LCMT2: variants seen among roughly 807,000 people sequenced by gnomAD.
LCMT2 encodes tRNA wybutosine-synthesizing protein 4.
In LCMT2, 34 loss-of-function variants were observed where a neutral mutation model predicts 42.0. That is an observed-to-expected ratio of 0.81 (90% CI 0.62 to 1.08). The LOEUF (loss-of-function observed/expected upper bound fraction) is 1.08. Ranked by LOEUF, LCMT2 falls within the 50% of genes least tolerant of loss-of-function variation. The pLI is 0.00. For missense variants in LCMT2, 1,091 were observed against 889.4 expected, an observed-to-expected ratio of 1.23 and a Z score of -2.88; for synonymous variants, 445 against 369.5, an observed-to-expected ratio of 1.20 and a Z score of -2.34.
Position 43,327,363 on chromosome 15 carries a change from G to A in LCMT2, c.*1066C>T, listed in dbSNP as rs1032151414. ...TAATTCGTTTAAATAGTCACATGTTGTCAATAGCTACCACATTGGACAGTA... is the reference window on the plus strand; with the variant it reads ...TAATTCGTTTAAATAGTCACATGTTATCAATAGCTACCACATTGGACAGTA... On this transcript the variant is annotated 3_prime_UTR_variant, in exon 1 of 1. Coordinates refer to ENST00000305641, the MANE Select transcript of LCMT2 (RefSeq NM_014793.5). The A allele has an allele frequency of 4.6e-5, 7 of 152,326 alleles. No homozygotes were observed. The highest frequency in any genetic ancestry group is 3.3e-4 in the Admixed American group (5 of 15,296). The allele number at this position is 152,326 out of a possible 1,614,324, so 9.4% of individuals were successfully genotyped here.
Position 43,329,881 on chromosome 15 carries a change from G to A in LCMT2, c.609C>T (p.Ile203=). ...YLEPESAAAL[I]AWAAQRFPNA... is the part of the protein sequence containing the mutation. ...TAGGAAAACGCTGGGCTGCCCAGGCGATGAGGGCCGCGGCACTCTCCGGCT... is the reference window on the plus strand; with the variant it reads ...TAGGAAAACGCTGGGCTGCCCAGGCAATGAGGGCCGCGGCACTCTCCGGCT... The change falls in exon 1 of 1, where the codon ATC becomes ATT. Residue 203 remains isoleucine, a synonymous_variant. Transcript: ENST00000305641. 3 of 1,613,396 alleles carry A rather than the reference G, an allele frequency of 1.9e-6. No homozygotes were observed. Among genetic ancestry groups the A allele is most frequent in the South Asian group, 1.1e-5 (1 of 91,076 alleles).
chr15:43,330,010 C>T lies in LCMT2; in HGVS notation c.480G>A (p.Leu160=), dbSNP rs765104154. The T allele has an allele frequency of 2.1e-5, 34 of 1,612,634 alleles. No homozygotes were observed. The Admixed American group carries it at 4.7e-4, about 22-fold the overall frequency. ...CCACTCGCTGGAGCTGCCGCAAGTC[C>T]AGACCCAGGATGCAGTAGTCTGCGC... The part of the protein sequence containing the change: ...FESADYCILG[L]DLRQLQRVEE... The change falls in exon 1 of 1, where the codon CTG becomes CTA. Residue 160 remains leucine (L), a synonymous_variant. Transcript: ENST00000305641.
Position 43,328,851 on chromosome 15 carries a change from G to A in LCMT2, c.1639C>T (p.Leu547Phe), listed in dbSNP as rs371881224. The A allele has an allele frequency of 1.7e-5, 27 of 1,613,602 alleles. No individual in the cohort carries two copies. Among genetic ancestry groups the A allele is most frequent in the Non-Finnish European group, 2.2e-5 (26 of 1,180,014 alleles). The change falls in exon 1 of 1, where the codon CTT becomes TTT. Residue 547 changes from leucine (L) to phenylalanine (F), a missense_variant. By Grantham distance (22) the Leu-to-Phe change is conservative (BLOSUM62 0). Transcript: ENST00000305641. ...HSACTWQGGALIAGGLGASEE... is the reference protein window; with the variant it reads ...HSACTWQGGAFIAGGLGASEE... ...GAAGCCCCGAGACCTCCAGCAATAAGGGCTCCCCCTTGCCAAGTGCAGGCA... is the reference window on the plus strand; with the variant it reads ...GAAGCCCCGAGACCTCCAGCAATAAAGGCTCCCCCTTGCCAAGTGCAGGCA...
Position 43,329,753 on chromosome 15 carries a change from T to A in LCMT2, c.737A>T (p.Glu246Val). The part of the protein sequence containing the change: ...RQLNSPLHGL[E>V]RFPDVEAQRR... ...CTGCGCCTCCACGTCAGGAAAACGC[T>A]CCAGGCCATGCAGGGGGGAGTTTAG... The change falls in exon 1 of 1, where the codon GAG becomes GTG. Residue 246 changes from glutamate (E) to valine (V), a missense_variant. Transcript: ENST00000305641. 6.2e-7 allele frequency: 1 copy of A among 1,613,610 alleles called. No homozygotes were observed. Among genetic ancestry groups the A allele is most frequent in the South Asian group, 1.1e-5 (1 of 91,080 alleles).
In LCMT2 at chr15:43,329,748, A is replaced by G. The variant is rs777496473; in HGVS notation, c.742T>C (p.Phe248Leu). The stretch of plus-strand genomic sequence containing the variant: ...CGCCGCTGCGCCTCCACGTCAGGAA[A>G]ACGCTCCAGGCCATGCAGGGGGGAG... ...LNSPLHGLER[F>L]PDVEAQRRRF... is the part of the protein sequence containing the mutation. The change falls in exon 1 of 1, where the codon TTT (phenylalanine) becomes CTT (leucine). Residue 248 changes from phenylalanine to leucine, a missense_variant. Phe to Leu is a conservative substitution (Grantham distance 22). Coordinates refer to ENST00000305641, the MANE Select transcript of LCMT2 (RefSeq NM_014793.5). 6.2e-7 allele frequency: 1 copy of G among 1,613,608 alleles called. No homozygotes were observed. The highest frequency in any genetic ancestry group is 8.5e-7 in the Non-Finnish European group (1 of 1,179,972).
Position 43,328,873 on chromosome 15 carries a change from G to C in LCMT2, c.1617C>G (p.Ala539=). The change falls in exon 1 of 1, where the codon GCC becomes GCG. Residue 539 remains alanine, a synonymous_variant. Transcript: ENST00000305641. ...EVPEARHSHS[A]CTWQGGALIA... ...TAAGGGCTCCCCCTTGCCAAGTGCA[G>C]GCACTGTGAGAATGCCGGGCTTCAG... 1 of 1,613,868 alleles carries C rather than the reference G, an allele frequency of 6.2e-7. No homozygotes were observed. The highest frequency in any genetic ancestry group is 8.5e-7 in the Non-Finnish European group (1 of 1,180,010).
chr15:43,329,765 A>AG lies in LCMT2; in HGVS notation c.724dup (p.Leu242ProfsTer9), dbSNP rs1005973672. 7 of 1,613,582 alleles carry AG rather than the reference A, an allele frequency of 4.3e-6. No homozygotes were observed. Among genetic ancestry groups the AG allele is most frequent in the African/African-American group, 1.3e-5 (1 of 74,942 alleles). On this transcript the variant is annotated frameshift_variant, in exon 1 of 1. Transcript: ENST00000305641. LOFTEE classifies it high-confidence loss of function. ...GTCAGGAAAACGCTCCAGGCCATGC[A>AG]GGGGGGAGTTTAGCTGCCGAAAATG...
Position 43,328,670 on chromosome 15 carries a change from T to C in LCMT2, c.1820A>G (p.His607Arg). 2.5e-6 allele frequency: 4 copies of C among 1,614,170 alleles called. No homozygotes were observed. Among genetic ancestry groups the C allele is most frequent in the Non-Finnish European group, 3.4e-6 (4 of 1,180,030 alleles). ...KLLLVGGIWI[H>R]SSSFPGVTVI... ...AGTCACTCCAGGAAATGAGGAGGAA[T>C]GAATCCAGATCCCTCCAACCAGTAA... The change falls in exon 1 of 1, where the codon CAT becomes CGT. Residue 607 changes from histidine to arginine, a missense_variant. Coordinates refer to ENST00000305641, the MANE Select transcript of LCMT2 (RefSeq NM_014793.5).
At position 43,329,399 on chromosome 15, in the gene LCMT2, A is replaced by G; in HGVS notation, c.1091T>C (p.Phe364Ser). Reference sequence around the variant, plus strand: ...ACTGAGAATAACGTCTGGGCTCAAGAAGACAGAGGCGTGGCCATATCTCTT... The same window carrying G: ...ACTGAGAATAACGTCTGGGCTCAAGGAGACAGAGGCGTGGCCATATCTCTT... Reference protein sequence around the residue: ...NLKRYGHASVFLSPDVILSAG... With the variant: ...NLKRYGHASVSLSPDVILSAG... Residue 364 changes from phenylalanine to serine, a missense_variant, in exon 1 of 1, where the codon TTC becomes TCC. Phe to Ser is a radical substitution (Grantham distance 155). Transcript: ENST00000305641. 6.2e-7 allele frequency: 1 copy of G among 1,614,144 alleles called. No homozygotes were observed. Among genetic ancestry groups the G allele is most frequent in the Non-Finnish European group, 8.5e-7 (1 of 1,180,036 alleles).
rs1596471323 is a variant in LCMT2, at chr15:43,324,274, G to C, written c.*4155C>G. The C allele has an allele frequency of 6.6e-6, 1 of 151,990 alleles. No individual in the cohort carries two copies. Among genetic ancestry groups the C allele is most frequent in the African/African-American group, 2.4e-5 (1 of 41,356 alleles). 9.4% of individuals were successfully genotyped at this position (151,990 alleles called of 1,614,324 possible). Reference sequence around the variant, plus strand: ...CTTCCTTCATTACTGAAGTTAAAAGGCTTAATCTTAAAGTCAAACTAGACA... The same window carrying C: ...CTTCCTTCATTACTGAAGTTAAAAGCCTTAATCTTAAAGTCAAACTAGACA... On this transcript the variant is annotated 3_prime_UTR_variant, in exon 1 of 1. Coordinates refer to ENST00000305641, the MANE Select transcript of LCMT2 (RefSeq NM_014793.5).
In LCMT2 at chr15:43,329,469, A is replaced by T; in HGVS notation, c.1021T>A (p.Phe341Ile). ...TCGCTACTGACTACGCTGGCAGGGAATACCCCTGAAGGCGAAGCAGGATTT... is the reference window on the plus strand; with the variant it reads ...TCGCTACTGACTACGCTGGCAGGGATTACCCCTGAAGGCGAAGCAGGATTT... ...RVNPASPSGV[F>I]PASVVSSEGQ... The change falls in exon 1 of 1, where the codon TTC (phenylalanine) becomes ATC (isoleucine). Residue 341 changes from phenylalanine (F) to isoleucine (I), a missense_variant. By Grantham distance (21) the Phe-to-Ile change is conservative (BLOSUM62 0). Coordinates refer to ENST00000305641, the MANE Select transcript of LCMT2 (RefSeq NM_014793.5). 1 of 1,614,166 alleles carries T rather than the reference A, an allele frequency of 6.2e-7. No homozygotes were observed. The highest frequency in any genetic ancestry group is 1.1e-5 in the South Asian group (1 of 91,090).
rs2043105718 is a variant in LCMT2 at position 43,324,037 on chromosome 15, AG to A, written c.*4391del. The A allele has an allele frequency of 6.6e-6, 1 of 152,180 alleles. No individual in the cohort carries two copies. Among genetic ancestry groups the A allele is most frequent in the Non-Finnish European group, 1.5e-5 (1 of 68,036 alleles). 9.4% of individuals were successfully genotyped at this position (152,180 alleles called of 1,614,324 possible). ...CAATGTCCAAGACAGATAAGTAAGC[AG>A]TCTTGTAACTGCTTACTTACATGTG... On this transcript the variant is annotated 3_prime_UTR_variant, in exon 1 of 1. Coordinates refer to ENST00000305641, the MANE Select transcript of LCMT2 (RefSeq NM_014793.5).
rs1555387284 is a variant in LCMT2, at chr15:43,324,670, C to CAAA, written c.*3758_*3759insTTT. ...ACAAACAAACAAACAAACAAACAAA[C>CAAA]CCAAAAAACCTCACCTTATTAACTA... On this transcript the variant is annotated 3_prime_UTR_variant, in exon 1 of 1. Coordinates refer to ENST00000305641, the MANE Select transcript of LCMT2 (RefSeq NM_014793.5). 1 of 152,038 alleles carries CAAA rather than the reference C, an allele frequency of 6.6e-6. No homozygotes were observed. The highest frequency in any genetic ancestry group is 1.5e-5 in the Non-Finnish European group (1 of 68,480). The allele number at this position is 152,038 out of a possible 1,614,324, so 9.4% of individuals were successfully genotyped here.
chr15:43,326,474 G>A lies in LCMT2; in HGVS notation c.*1955C>T, dbSNP rs1218610080. On this transcript the variant is annotated 3_prime_UTR_variant, in exon 1 of 1. Coordinates refer to ENST00000305641, the MANE Select transcript of LCMT2 (RefSeq NM_014793.5). The stretch of plus-strand genomic sequence containing the variant: ...CAACCTTTTTTTTTTTTCTTTTTAA[G>A]AGACGGGGTCTCACTCTGTCAACCA... 1 of 150,600 alleles carries A rather than the reference G, an allele frequency of 6.6e-6. No individual in the cohort carries two copies. Among genetic ancestry groups the A allele is most frequent in the Non-Finnish European group, 1.5e-5 (1 of 67,768 alleles). 9.3% of individuals were successfully genotyped at this position (150,600 alleles called of 1,614,324 possible).
chr15:43,326,852 T>C lies in LCMT2; in HGVS notation c.*1577A>G, dbSNP rs141948458. On this transcript the variant is annotated 3_prime_UTR_variant, in exon 1 of 1. Transcript: ENST00000305641. The stretch of plus-strand genomic sequence containing the variant: ...TAATCACCTTTCACATCCATTTATA[T>C]GCAAAATTAATAGAAATAAAGGATG... The C allele has an allele frequency of 2.6e-5, 4 of 152,364 alleles. No individual in the cohort carries two copies. Among genetic ancestry groups the C allele is most frequent in the East Asian group, 3.9e-4 (2 of 5,188 alleles). The allele number at this position is 152,364 out of a possible 1,614,324, so 9.4% of individuals were successfully genotyped here.
In LCMT2 at chr15:43,330,519, G is replaced by A; in HGVS notation, c.-30C>T. ...AGAAGAGACTCAGGAATGGCAGTCT[G>A]TCACGGTTGTGAGCCGCCCCTTGGT... On this transcript the variant is annotated 5_prime_UTR_variant, in exon 1 of 1. Coordinates refer to ENST00000305641, the MANE Select transcript of LCMT2 (RefSeq NM_014793.5). 2.0e-6 allele frequency: 3 copies of A among 1,510,292 alleles called. No homozygotes were observed. The highest frequency in any genetic ancestry group is 1.3e-5 in the South Asian group (1 of 74,498). 93.6% of individuals were successfully genotyped at this position (1,510,292 alleles called of 1,614,324 possible).
chr15:43,329,100 C>A lies in LCMT2; in HGVS notation c.1390G>T (p.Val464Leu), dbSNP rs746491024. The A allele has an allele frequency of 1.9e-6, 3 of 1,614,008 alleles. No individual in the cohort carries two copies. Among genetic ancestry groups the A allele is most frequent in the Non-Finnish European group, 2.5e-6 (3 of 1,180,054 alleles). The change falls in exon 1 of 1, where the codon GTG (valine) becomes TTG (leucine). Residue 464 changes from valine to leucine, a missense_variant. By Grantham distance (32) the Val-to-Leu change is conservative. Transcript: ENST00000305641. ...SEDNNTEDLK[V>L]TITKAGRKDD... ...TTTCGGCCAGCCTTTGTTATTGTCA[C>A]TTTCAGGTCCTCAGTGTTATTATCC...
Position 43,328,913 on chromosome 15 carries a change from A to T in LCMT2, c.1577T>A (p.Val526Glu). 1 of 1,613,984 alleles carries T rather than the reference A, an allele frequency of 6.2e-7. No individual in the cohort carries two copies. The highest frequency in any genetic ancestry group is 8.5e-7 in the Non-Finnish European group (1 of 1,179,994). Residue 526 changes from valine (V) to glutamate (E), a missense_variant, in exon 1 of 1, where the codon GTG (valine) becomes GAG (glutamate). Val to Glu is a moderately radical substitution (Grantham distance 121). Coordinates refer to ENST00000305641, the MANE Select transcript of LCMT2 (RefSeq NM_014793.5). ...VGTMAWVRIPVEGEVPEARHS... is the reference protein window; with the variant it reads ...VGTMAWVRIPEEGEVPEARHS... ...CCGGGCTTCAGGTACTTCTCCCTCC[A>T]CTGGGATCCTGACCCAAGCCATTGT... is the stretch of plus-strand genomic sequence containing the variant.
Position 43,328,293 on chromosome 15 carries a change from C to T in LCMT2, c.*136G>A. On this transcript the variant is annotated 3_prime_UTR_variant, in exon 1 of 1. Coordinates refer to ENST00000305641, the MANE Select transcript of LCMT2 (RefSeq NM_014793.5). ...TTACCTATTTTACCAACCTTTTTCACTTTTTGCACTGAATAGTGCTAAGGG... is the reference window on the plus strand; with the variant it reads ...TTACCTATTTTACCAACCTTTTTCATTTTTTGCACTGAATAGTGCTAAGGG... 1 of 964,988 alleles carries T rather than the reference C, an allele frequency of 1.0e-6. No homozygotes were observed. Among genetic ancestry groups the T allele is most frequent in the Non-Finnish European group, 1.5e-6 (1 of 650,886 alleles). 59.8% of individuals were successfully genotyped at this position (964,988 alleles called of 1,614,324 possible). A position where few individuals can be genotyped will look rare whatever the true frequency, so the allele number is the denominator to read the frequency against.
Sources: allele counts gnomAD v4.1 joint callset, GRCh38; gene constraint gnomAD v4.1.1; transcripts MANE v1.5; gene names NCBI Gene and HGNC (gene_info 2026-07-23, HGNC 2026-07-21).